Variants in FABP6 observed in about 807,000 individuals in gnomAD.
The protein encoded by FABP6 is fatty acid binding protein 6.
In FABP6, 13 loss-of-function variants were observed where a neutral mutation model predicts 14.9. The ratio of observed to expected loss-of-function variants is 0.87; its 90% CI spans 0.57 to 1.39. The LOEUF (loss-of-function observed/expected upper bound fraction) is 1.39, where lower values mean the gene tolerates loss of function less well. FABP6 is among the 40% of genes most tolerant of loss of function. FABP6 has a pLI of 0.00. For synonymous variants in FABP6, 75 were observed against 63.6 expected, an observed-to-expected ratio of 1.18 and a Z score of -0.85; for missense variants, 161 against 167.2, an observed-to-expected ratio of 0.96 and a Z score of 0.20.
intron 2 of FABP6, among the ~76,000 whole-genome samples, chr5:160,205,729 A>G (rs1359030340): frequency 6.6e-6 from 1 of 152,210 alleles, no homozygotes; most frequent in Non-Finnish European, 1.5e-5. Context: ...AGACTCATTT[A>G]CCTGTCATTG....
At chr5:160,233,790 T>G (rs1018683508) in intron 2 of FABP6, among the ~76,000 whole-genome samples, 1 of 151,770 alleles carries the variant, frequency 6.6e-6, no homozygotes, top group Non-Finnish European at 1.5e-5. Flanking sequence ...GGAGATCGCT[T>G]GAACCCTGGA....
intron 2 of FABP6, among the ~76,000 whole-genome samples, chr5:160,202,980 C>T (rs1018572367): frequency 1.3e-5 from 2 of 150,634 alleles, no homozygotes; most frequent in African/African-American, 2.4e-5. Flanking sequence ...CAGCTCACTG[C>T]AACCTCTGCC....
rs746971427 is a variant in FABP6, at chr5:160,234,842, G to T, written c.266G>T (p.Gly89Val). The stretch of plus-strand genomic sequence containing the variant: ...CAGGCCACTGTGCAGATGGAGGGCG[G>T]GAAGCTGGTGGTGAATTTCCCCAAC... Reference protein sequence around the residue: ...TFKATVQMEGGKLVVNFPNYH... With the variant: ...TFKATVQMEGVKLVVNFPNYH... The change falls in exon 3 of 4, where the codon GGG (glycine) becomes GTG (valine). Residue 89 changes from glycine (G) to valine (V), a missense_variant. Transcript: ENST00000402432. 2 of 1,610,790 alleles carry T rather than the reference G, an allele frequency of 1.2e-6. No homozygotes were observed. Among genetic ancestry groups the T allele is most frequent in the East Asian group, 4.5e-5 (2 of 44,658 alleles).
intron 3 of FABP6, among the ~76,000 whole-genome samples, chr5:160,235,985 A>G (rs1469124889): frequency 6.7e-6 from 1 of 149,862 alleles, no homozygotes; most frequent in East Asian, 2.0e-4. Context: ...GTTTCTTCAC[A>G]TGGCAGGGAG....
chr5:160,238,692 CA>C lies in FABP6; in HGVS notation c.*34del, dbSNP rs754938912. The C allele has an allele frequency of 6.2e-7, 1 of 1,609,964 alleles. No homozygotes were observed. Among genetic ancestry groups the C allele is most frequent in the Non-Finnish European group, 8.5e-7 (1 of 1,176,410 alleles). ...GGCCCGGCCCAGGGAGCTACAAACC[CA>C]CCAATAAAACTGATATAAGGACAGA... On this transcript the variant is annotated 3_prime_UTR_variant, in exon 4 of 4. Transcript: ENST00000402432.
At chr5:160,226,525 G>A (rs7717097), upstream of FABP6, among the ~76,000 whole-genome samples, 902 of 130,892 alleles carry the variant, frequency 6.9e-3, 9 homozygotes, top group African/African-American at 0.025. Flanking sequence ...CGCCCCATGA[G>A]ACTGTCTCAA....
At chr5:160,197,253 GCT>G (rs1420806492) in intron 1 of FABP6, 1 of 152,234 alleles carries the variant, frequency 6.6e-6, no homozygotes, top group Non-Finnish European at 1.5e-5. Context: ...GCAGTTCTAC[GCT>G]CTCTGTCTTA....
At chr5:160,231,963 T>C (rs746609926) in intron 1 of FABP6, 135 bp from the exon 2 acceptor site, 8 of 973,408 alleles carry the variant, frequency 8.2e-6, no homozygotes, top group Non-Finnish European at 1.2e-5. Flanking sequence ...TCTCAGGCAC[T>C]GTGCTCTTAA....
chr5:160,238,502 TATC>T, intron 3 of FABP6, 101 bp from the exon 4 acceptor site: 1 of 961,606 alleles, frequency 1.0e-6, no homozygotes, highest in Non-Finnish European at 1.7e-6. Context: ...GCCTGACTCT[TATC>T]TACTCAAGGC....
At chr5:160,233,347 C>A (rs767826385) in intron 2 of FABP6, among the ~76,000 whole-genome samples, 13 of 151,970 alleles carry the variant, frequency 8.6e-5, no homozygotes, top group Non-Finnish European at 1.9e-4. Flanking sequence ...CTGGAGTGAG[C>A]CTTGGCTGGG....
chr5:160,226,838 T>G (rs1260714824), upstream of FABP6, among the ~76,000 whole-genome samples: 2 of 152,192 alleles, frequency 1.3e-5, no homozygotes, highest in East Asian at 3.8e-4. Context: ...TCTCACATGC[T>G]CTAGGCGGGA....
chr5:160,213,623 G>A, intron 2 of FABP6: 4 of 840,088 alleles, frequency 4.8e-6, no homozygotes, highest in Non-Finnish European at 8.1e-6. Flanking sequence ...TCCATTGCTT[G>A]CAATTAAGAG....
At chr5:160,238,514 G>T in intron 3 of FABP6, 92 bp from the exon 4 acceptor site, 2 of 1,084,400 alleles carry the variant, frequency 1.8e-6, no homozygotes, top group South Asian at 1.3e-5. Flanking sequence ...TCTACTCAAG[G>T]CCGGGGTTGG....
chr5:160,223,883 T>A (rs1760187672), intron 3 of FABP6, among the ~76,000 whole-genome samples: 1 of 145,502 alleles, frequency 6.9e-6, no homozygotes, highest in Non-Finnish European at 1.5e-5. Context: ...GAGGATCGCA[T>A]GAGCCCAGGA....
At chr5:160,204,966 G>C (rs559030205) in intron 2 of FABP6, 1 of 152,142 alleles carries the variant, frequency 6.6e-6, no homozygotes, top group Admixed American at 6.5e-5. Flanking sequence ...GATGGTCTGG[G>C]GGTTGGAAAG....
intron 2 of FABP6, among the ~76,000 whole-genome samples, chr5:160,205,273 G>A (rs545377871): frequency 1.6e-5 from 2 of 126,776 alleles, no homozygotes; most frequent in East Asian, 5.1e-4. Context: ...AGCCGAGATC[G>A]CACCACTGCA....
Position 160,234,735 on chromosome 5 carries a change from T to G in FABP6, c.244-85T>G, listed in dbSNP as rs1580925740. ...AGCCACCGTGCCTGGCCTTGGTAAA[T>G]TCTTCTTACTGCCCGCGCCACCAGC... On this transcript the variant is annotated intron_variant, in intron 2 of 3. Transcript: ENST00000402432. 7 of 1,088,684 alleles carry G rather than the reference T, an allele frequency of 6.4e-6. No individual in the cohort carries two copies. In the African/African-American group the frequency reaches 9.5e-5, roughly 15 times the overall value. 67.4% of individuals were successfully genotyped at this position (1,088,684 alleles called of 1,614,324 possible). A position where few individuals can be genotyped will look rare whatever the true frequency, so the allele number is the denominator to read the frequency against.
At chr5:160,227,846 GTGTGTC>G (rs1449081970), upstream of FABP6, among the ~76,000 whole-genome samples, 8 of 149,228 alleles carry the variant, frequency 5.4e-5, no homozygotes, top group South Asian at 2.2e-4. Flanking sequence ...GTGTGTGTGT[GTGTGTC>G]TGTCTGTCTG....
At chr5:160,231,983 T>A in intron 1 of FABP6, 115 bp from the exon 2 acceptor site, 2 of 1,222,054 alleles carry the variant, frequency 1.6e-6, no homozygotes, top group Non-Finnish European at 2.3e-6. Context: ...ACCTGCAGGC[T>A]AGCCTATCAT....
Sources: allele counts gnomAD v4.1 joint callset (sites outside exome capture counted in the v4.1 genomes callset), GRCh38; gene constraint gnomAD v4.1.1; transcripts MANE v1.5; gene names NCBI Gene and HGNC (gene_info 2026-07-23, HGNC 2026-07-21).